Variants in ILKAP observed in about 807,000 individuals in gnomAD.
ILKAP encodes integrin-linked kinase-associated serine/threonine phosphatase 2C.
In ILKAP, 11 loss-of-function variants were observed where a neutral mutation model predicts 49.1. The ratio of observed to expected loss-of-function variants is 0.22; its 90% CI spans 0.14 to 0.37. The LOEUF (loss-of-function observed/expected upper bound fraction) is 0.37. Among genes scored for constraint, ILKAP ranks in the 10% least tolerant of loss-of-function variants. ILKAP has a pLI of 1.00. For missense variants in ILKAP, 363 were observed against 510.8 expected, an observed-to-expected ratio of 0.71 and a Z score of 2.79; for synonymous variants, 186 against 192.8, an observed-to-expected ratio of 0.96 and a Z score of 0.29.
chr2:238,173,799 G>A (rs13382589), intron 9 of ILKAP, 146 bp from the exon 10 acceptor site: 31 of 1,010,154 alleles, frequency 3.1e-5, no homozygotes, highest in Non-Finnish European at 4.3e-5. Flanking sequence ...GACATTTCTT[G>A]ATCTCAAATA....
intron 9 of ILKAP, among the ~76,000 whole-genome samples, chr2:238,175,202 G>A (rs1693397442): frequency 6.6e-6 from 1 of 151,494 alleles, no homozygotes; most frequent in African/African-American, 2.4e-5. Context: ...GGGCTCAAGT[G>A]ATCCTCCCAC....
chr2:238,173,414 C>T, intron 10 of ILKAP, 120 bp downstream of exon 10: 2 of 1,312,116 alleles, frequency 1.5e-6, no homozygotes, highest in Non-Finnish European at 2.1e-6. Flanking sequence ...TATCTCTGCA[C>T]CCCCAGGGCC....
intron 9 of ILKAP, among the ~76,000 whole-genome samples, chr2:238,175,488 G>C (rs1693410766): frequency 6.6e-6 from 1 of 152,190 alleles, no homozygotes; most frequent in African/African-American, 2.4e-5. Context: ...CAGATCCCAG[G>C]AAACGCGTTT....
chr2:238,174,952 C>A (rs1199678009), intron 9 of ILKAP, among the ~76,000 whole-genome samples: 1 of 152,132 alleles, frequency 6.6e-6, no homozygotes, highest in Non-Finnish European at 1.5e-5. Context: ...CATCCTGTTT[C>A]AACAAGATTA....
chr2:238,172,137 C>T (rs1047107710), intron 10 of ILKAP, among the ~76,000 whole-genome samples: 11 of 152,096 alleles, frequency 7.2e-5, no homozygotes, highest in Non-Finnish European at 1.5e-4. Context: ...CTGTAACCTC[C>T]GCCTCCCAGG....
intron 9 of ILKAP, among the ~76,000 whole-genome samples, chr2:238,179,950 A>G (rs2106329769): frequency 6.6e-6 from 1 of 152,254 alleles, no homozygotes; most frequent in South Asian, 2.1e-4. Context: ...CTGGGAGGCC[A>G]AGGCAGAAGG....
chr2:238,202,720 G>A (rs750454984), intron 1 of ILKAP, among the ~76,000 whole-genome samples: 2 of 151,988 alleles, frequency 1.3e-5, no homozygotes, highest in Non-Finnish European at 2.9e-5. Context: ...GATGAAACCC[G>A]GAGACTGTAA....
chr2:238,173,448 C>T lies in ILKAP; in HGVS notation c.956+86G>A, dbSNP rs1693313968. The T allele has an allele frequency of 3.2e-6, 5 of 1,546,042 alleles. No homozygotes were observed. The Admixed American group carries it at 8.9e-5, about 28-fold the overall frequency. On this transcript the variant is annotated intron_variant, in intron 10 of 11. Transcript: ENST00000254654. ...CCTAGCACCATGCACACCTTCCCTCCAACAAAGGCTTGATAGAAACTGGAA... is the reference window on the plus strand; with the variant it reads ...CCTAGCACCATGCACACCTTCCCTCTAACAAAGGCTTGATAGAAACTGGAA...
rs1213736860 is a variant in ILKAP, at chr2:238,181,984, G to A, written c.836+81C>T. 1.2e-5 allele frequency: 18 copies of A among 1,485,252 alleles called. No individual in the cohort carries two copies. The Middle Eastern group carries it at 6.3e-4, about 52-fold the overall frequency. The allele number at this position is 1,485,252 out of a possible 1,614,324, so 92.0% of individuals were successfully genotyped here. A position where few individuals can be genotyped will look rare whatever the true frequency, so the allele number is the denominator to read the frequency against. ...CACTGAAGACTACGTAACAGGGGAA[G>A]TTCTACTCCTTGAAGGTCTCGGGAC... On this transcript the variant is annotated intron_variant, in intron 9 of 11. Coordinates refer to ENST00000254654, the MANE Select transcript of ILKAP (RefSeq NM_030768.3).
chr2:238,202,178 A>G (rs1000969020), intron 1 of ILKAP, among the ~76,000 whole-genome samples: 3 of 152,234 alleles, frequency 2.0e-5, no homozygotes, highest in African/African-American at 7.2e-5. Context: ...AGATCTCACC[A>G]TTGCACTCCA....
At position 238,189,991 on chromosome 2, in the gene ILKAP, C is replaced by A; in HGVS notation, c.179-19G>T. 1 of 1,612,924 alleles carries A rather than the reference C, an allele frequency of 6.2e-7. No individual in the cohort carries two copies. The highest frequency in any genetic ancestry group is 8.5e-7 in the Non-Finnish European group (1 of 1,179,390). ...AGAGAACCTGGAAATAAAGTAAAAG[C>A]CAGACAGAAACACAGCTGTAGACTG... On this transcript the variant is annotated intron_variant, in intron 3 of 11. Coordinates refer to ENST00000254654, the MANE Select transcript of ILKAP (RefSeq NM_030768.3).
intron 1 of ILKAP, among the ~76,000 whole-genome samples, chr2:238,199,244 A>G (rs186118058): frequency 1.3e-5 from 2 of 152,336 alleles, no homozygotes; most frequent in Middle Eastern, 3.4e-3. Flanking sequence ...TCTTCATATG[A>G]TAAGTGACGC....
intron 1 of ILKAP, among the ~76,000 whole-genome samples, chr2:238,197,504 A>G (rs1694394588): frequency 6.6e-6 from 1 of 152,186 alleles, no homozygotes; most frequent in Admixed American, 6.5e-5. Flanking sequence ...TAACTTGCCC[A>G]TCTAAATCAG....
intron 10 of ILKAP, 144 bp downstream of exon 10, chr2:238,173,390 A>C: frequency 2.2e-5 from 23 of 1,066,156 alleles, no homozygotes; most frequent in Non-Finnish European, 2.5e-5. Context: ...CCAGAGCAGA[A>C]ACCACATTTT....
rs886914079 is a variant in ILKAP, at chr2:238,198,661, C to A, written c.56-3791G>T. Among the ~76,000 whole-genome samples the A allele has an allele frequency of 3.3e-5, 5 of 152,198 alleles. No homozygotes were observed. The East Asian group carries it at 9.6e-4, about 29-fold the overall frequency. On this transcript the variant is annotated intron_variant, in intron 1 of 11. Transcript: ENST00000254654. Reference sequence around the variant, plus strand: ...TCCCCTAATCTTAAAAATATTAGAACCCTAATAAGAATACAAGACTAAAAA... The same window carrying A: ...TCCCCTAATCTTAAAAATATTAGAAACCTAATAAGAATACAAGACTAAAAA...
chr2:238,175,035 A>T (rs1402186301), intron 9 of ILKAP, among the ~76,000 whole-genome samples: 1 of 152,234 alleles, frequency 6.6e-6, no homozygotes, highest in Non-Finnish European at 1.5e-5. Flanking sequence ...CTGGTACTGC[A>T]CAACACAGTA....
chr2:238,171,142 GTT>G, intron 10 of ILKAP, 118 bp from the exon 11 acceptor site: 1 of 552,372 alleles, frequency 1.8e-6, no homozygotes, highest in African/African-American at 2.0e-5. Flanking sequence ...AAAGGCTAAG[GTT>G]TTTTTTTTCT....
chr2:238,185,456 G>A, intron 5 of ILKAP, 169 bp from the exon 6 acceptor site: 1 of 524,716 alleles, frequency 1.9e-6, no homozygotes, highest in Admixed American at 3.5e-5. Flanking sequence ...GGCTTTAACT[G>A]AGACAAATAT....
At chr2:238,172,711 C>T (rs1157051389) in intron 10 of ILKAP, among the ~76,000 whole-genome samples, 3 of 152,236 alleles carry the variant, frequency 2.0e-5, no homozygotes, top group African/African-American at 2.4e-5. Context: ...GCTCTTCATC[C>T]GCAGCACTGG....
Sources: allele counts gnomAD v4.1 joint callset (sites outside exome capture counted in the v4.1 genomes callset), GRCh38; gene constraint gnomAD v4.1.1; transcripts MANE v1.5; gene names NCBI Gene and HGNC (gene_info 2026-07-23, HGNC 2026-07-21).